The following MTUS2 variants were observed in gnomAD, a reference collection of about 807,000 sequenced individuals.
MTUS2 encodes microtubule associated scaffold protein 2, also known as microtubule-associated tumor suppressor candidate 2.
MTUS2 carries 40 observed loss-of-function variants against 114.1 expected under a neutral mutation model. That is an observed-to-expected ratio of 0.35 (90% CI 0.27 to 0.46). The LOEUF (loss-of-function observed/expected upper bound fraction) is 0.46, where lower values mean the gene tolerates loss of function less well. Ranked by LOEUF, MTUS2 falls within the 20% of genes least tolerant of loss-of-function variation. The pLI is 1.00. For missense variants in MTUS2, 1,679 were observed against 1,705.4 expected (o/e 0.98, Z 0.27); for synonymous variants, 688 against 672.0 (o/e 1.02, Z -0.37).
intron 6 of MTUS2, chr13:29,307,635 C>G (rs1256042183): frequency 4.3e-6 from 5 of 1,161,178 alleles, no homozygotes; most frequent in Non-Finnish European, 6.5e-6. Flanking sequence ...CCTCTGACTT[C>G]AACAGCGACA....
chr13:29,494,521 C>CT (rs1882398157), intron 12 of MTUS2, among the ~76,000 whole-genome samples: 1 of 148,576 alleles, frequency 6.7e-6, no homozygotes, highest in Non-Finnish European at 1.5e-5. Context: ...AAAAGAAATG[C>CT]TTTCTCTGGC....
intron 6 of MTUS2, among the ~76,000 whole-genome samples, chr13:29,319,368 C>T (rs1900156261): frequency 6.6e-6 from 1 of 152,176 alleles, no homozygotes; most frequent in Non-Finnish European, 1.5e-5. Context: ...GCATTTTCAT[C>T]TCCTGGCCCC....
intron 2 of MTUS2, among the ~76,000 whole-genome samples, chr13:28,916,399 T>C (rs1024240450): frequency 2.0e-5 from 3 of 151,984 alleles, no homozygotes; most frequent in Non-Finnish European, 2.9e-5. Flanking sequence ...GTATGGGCAT[T>C]TTAACAACAT....
At chr13:28,941,845 A>G (rs548326761) in intron 2 of MTUS2, among the ~76,000 whole-genome samples, 1 of 152,194 alleles carries the variant, frequency 6.6e-6, no homozygotes, top group Non-Finnish European at 1.5e-5. Context: ...TGCACTTTAA[A>G]TTATTTTTTA....
rs190356587 is a variant in MTUS2 at position 29,425,336 on chromosome 13, G to A, written c.3118-14647G>A. On this transcript the variant is annotated intron_variant, in intron 8 of 15. Transcript: ENST00000612955. ...GCTGAGAATTGCTTAAACCTGGGAGGCGGAGTTTGCATTAAGCTGAGATGG... is the reference window on the plus strand; with the variant it reads ...GCTGAGAATTGCTTAAACCTGGGAGACGGAGTTTGCATTAAGCTGAGATGG... Among the ~76,000 whole-genome samples the A allele has an allele frequency of 7.2e-4, 109 of 152,200 alleles. 1 individual carries two copies. The highest frequency in any genetic ancestry group is 2.5e-3 in the African/African-American group (103 of 41,530).
chr13:29,214,759 G>A (rs1243018904), intron 5 of MTUS2, among the ~76,000 whole-genome samples: 4 of 152,148 alleles, frequency 2.6e-5, no homozygotes, highest in African/African-American at 9.7e-5. Flanking sequence ...TCCTTTGTAG[G>A]TAACCTGACC....
chr13:29,267,693 A>G (rs1344570012), intron 5 of MTUS2, among the ~76,000 whole-genome samples: 1 of 152,182 alleles, frequency 6.6e-6, no homozygotes, highest in Non-Finnish European at 1.5e-5. Context: ...ACATGGGTTC[A>G]TGGTTGATAT....
intron 6 of MTUS2, among the ~76,000 whole-genome samples, chr13:29,313,409 C>T (rs1168721454): frequency 6.6e-6 from 1 of 151,988 alleles, no homozygotes; most frequent in Non-Finnish European, 1.5e-5. Flanking sequence ...GTTAGGGAAG[C>T]TAAAAATGAA....
At chr13:28,868,401 C>G (rs1877424524) in intron 2 of MTUS2, among the ~76,000 whole-genome samples, 1 of 152,150 alleles carries the variant, frequency 6.6e-6, no homozygotes, top group South Asian at 2.1e-4. Context: ...TCTCAGCCTG[C>G]TGGGTTGGCG....
intron 9 of MTUS2, among the ~76,000 whole-genome samples, chr13:29,469,331 C>T (rs1259776887): frequency 6.6e-6 from 1 of 152,104 alleles, no homozygotes; most frequent in Non-Finnish European, 1.5e-5. Flanking sequence ...ACAGTAAATT[C>T]TTTAAGAAAG....
intron 3 of MTUS2, among the ~76,000 whole-genome samples, chr13:29,033,064 G>A (rs1886900583): frequency 1.3e-5 from 2 of 152,266 alleles, no homozygotes; most frequent in South Asian, 4.1e-4. Context: ...CTAGCTACAG[G>A]AGAAAGTGAC....
intron 8 of MTUS2, among the ~76,000 whole-genome samples, chr13:29,366,906 C>T (rs1870768990): frequency 6.6e-6 from 1 of 152,096 alleles, no homozygotes; most frequent in Non-Finnish European, 1.5e-5. Flanking sequence ...ACCAGCACCT[C>T]ATCTCCTGTA....
chr13:29,190,662 G>A (rs558919536), intron 5 of MTUS2, among the ~76,000 whole-genome samples: 44 of 136,604 alleles, frequency 3.2e-4, no homozygotes, highest in African/African-American at 1.2e-3. Context: ...GAACTGTGTA[G>A]AGAGAAGACG....
chr13:29,386,174 A>C (rs1334546034), intron 8 of MTUS2, among the ~76,000 whole-genome samples: 1 of 152,220 alleles, frequency 6.6e-6, no homozygotes, highest in Non-Finnish European at 1.5e-5. Flanking sequence ...TGTTAGAGAA[A>C]AAAAGTTATC....
intron 5 of MTUS2, among the ~76,000 whole-genome samples, chr13:29,183,556 A>T (rs1249552813): frequency 6.6e-6 from 1 of 152,212 alleles, no homozygotes; most frequent in Non-Finnish European, 1.5e-5. Context: ...ATTTAGCACC[A>T]TAAGACTGGA....
At chr13:29,321,892 G>T (rs1900269407) in intron 6 of MTUS2, among the ~76,000 whole-genome samples, 1 of 152,094 alleles carries the variant, frequency 6.6e-6, no homozygotes, top group African/African-American at 2.4e-5. Context: ...CATGCATGCT[G>T]TTCAACTAGC....
At chr13:29,129,028 G>A (rs749442760) in intron 5 of MTUS2, among the ~76,000 whole-genome samples, 68 of 152,040 alleles carry the variant, frequency 4.5e-4, no homozygotes, top group Admixed American at 2.0e-4. Context: ...CCTAAATGTC[G>A]GGCCTTGTAG....
chr13:29,448,840 G>A (rs1878477483), intron 9 of MTUS2, among the ~76,000 whole-genome samples: 1 of 139,070 alleles, frequency 7.2e-6, no homozygotes, highest in Non-Finnish European at 1.5e-5. Context: ...TGCCACCTCC[G>A]TCTCCCGAGT....
chr13:28,951,248 A>G (rs536552278), intron 2 of MTUS2, among the ~76,000 whole-genome samples: 1 of 152,364 alleles, frequency 6.6e-6, no homozygotes, highest in African/African-American at 2.4e-5. Context: ...ACTGAAAACT[A>G]TTTTGATAGA....
Sources: gnomAD v4.1 joint callset for allele counts (sites outside exome capture counted in the v4.1 genomes callset) on GRCh38, gnomAD v4.1.1 for gene constraint, MANE v1.5 for transcripts, NCBI Gene and HGNC (gene_info 2026-07-23, HGNC 2026-07-21) for gene names.